The following RBL1 variants were observed in gnomAD, a reference collection of about 807,000 sequenced individuals.
RBL1 encodes RB transcriptional corepressor like 1.
RBL1 carries 82 observed loss-of-function variants against 123.0 expected under a neutral mutation model. The observed-to-expected ratio is 0.67, with a 90% CI of 0.56 to 0.80. The LOEUF is 0.80. Among genes scored for constraint, RBL1 ranks in the 30% least tolerant of loss-of-function variants. The pLI, the probability that RBL1 is intolerant of heterozygous loss-of-function variation, is 0.00. For synonymous variants in RBL1, 405 were observed against 441.3 expected (o/e 0.92, Z 1.03); for missense variants, 1,171 against 1,299.6 (o/e 0.90, Z 1.52).
intron 14 of RBL1, among the ~76,000 whole-genome samples, chr20:37,035,881 C>G (rs1224615202): frequency 6.6e-6 from 1 of 152,132 alleles, no homozygotes; most frequent in African/African-American, 2.4e-5. Context: ...GAAGCAAAAG[C>G]AAAAATCAGG....
intron 19 of RBL1, among the ~76,000 whole-genome samples, chr20:37,008,139 T>A (rs1226733856): frequency 1.3e-5 from 2 of 152,204 alleles, no homozygotes; most frequent in Non-Finnish European, 2.9e-5. Flanking sequence ...CTGTCACTAG[T>A]GGCTCTTAGA....
chr20:37,085,996 A>C (rs921734173), intron 2 of RBL1, among the ~76,000 whole-genome samples: 1 of 152,094 alleles, frequency 6.6e-6, no homozygotes, highest in Non-Finnish European at 1.5e-5. Flanking sequence ...CCCAGGCTGG[A>C]GTGCAGTGGC....
chr20:37,088,860 C>T, intron 2 of RBL1, 129 bp downstream of exon 2: 1 of 616,754 alleles, frequency 1.6e-6, no homozygotes, highest in Non-Finnish European at 2.2e-6. Flanking sequence ...GAGACTGCGT[C>T]TCAAAAATAA....
At chr20:37,051,458 G>T (rs1568859438) in intron 11 of RBL1, among the ~76,000 whole-genome samples, 1 of 152,118 alleles carries the variant, frequency 6.6e-6, no homozygotes, top group East Asian at 1.9e-4. Context: ...TGGGATTACA[G>T]GGGTAAGCCA....
intron 16 of RBL1, among the ~76,000 whole-genome samples, chr20:37,024,460 A>G (rs575675946): frequency 1.3e-5 from 2 of 152,354 alleles, no homozygotes; most frequent in East Asian, 3.9e-4. Flanking sequence ...AGCTGATCCA[A>G]TGCTTACAGG....
At chr20:37,059,505 G>T (rs1434439955) in intron 9 of RBL1, among the ~76,000 whole-genome samples, 1 of 152,156 alleles carries the variant, frequency 6.6e-6, no homozygotes, top group Non-Finnish European at 1.5e-5. Context: ...CCTGCTGGTG[G>T]TACATACGGA....
At chr20:37,049,113 GA>G in intron 11 of RBL1, 1 of 208,156 alleles carries the variant, frequency 4.8e-6, no homozygotes, top group Non-Finnish European at 9.6e-6. Context: ...TGAGGCAGGA[GA>G]ATCATTTGAA....
intron 2 of RBL1, among the ~76,000 whole-genome samples, chr20:37,069,572 G>T (rs1246166754): frequency 7.0e-6 from 1 of 143,544 alleles, no homozygotes; most frequent in African/African-American, 2.5e-5. Context: ...CGGCCGCCCC[G>T]TCTGAGAAGT....
intron 1 of RBL1, among the ~76,000 whole-genome samples, chr20:37,091,836 TCAA>T (rs2065651416): frequency 6.6e-6 from 1 of 152,118 alleles, no homozygotes; most frequent in African/African-American, 2.4e-5. Context: ...TGGGTGGCCA[TCAA>T]TAAACCCAAT....
At position 37,083,613 on chromosome 20, in the gene RBL1, C is replaced by T. The variant is rs1316299597; in HGVS notation, c.290+5376G>A. ...CAGCCTGGCCAAAATAGCGAAACCC[C>T]GTCTCTACTAAAAATACAAAAAAAA... On this transcript the variant is annotated intron_variant, in intron 2 of 21. Coordinates refer to ENST00000373664, the MANE Select transcript of RBL1 (RefSeq NM_002895.5). Among the ~76,000 whole-genome samples, 9 of 122,514 alleles carry T rather than the reference C, an allele frequency of 7.3e-5. No homozygotes were observed. In the East Asian group the frequency reaches 7.4e-4, roughly 10 times the overall value. The allele number at this position is 122,514 out of a possible 152,430, so 80.4% of individuals were successfully genotyped here.
rs1351000447 is a variant in RBL1, at chr20:37,077,542, C to G, written c.291-9356G>C. 4.6e-5 allele frequency among the ~76,000 whole-genome samples: 7 copies of G among 152,290 alleles called. No homozygotes were observed. The East Asian group carries it at 1.4e-3, about 29-fold the overall frequency. On this transcript the variant is annotated intron_variant, in intron 2 of 21. Transcript: ENST00000373664. ...AAGACTCAAACTGCAGCTCTTCCCT[C>G]AAGATGAAGACTCAAAGTGCAGTCT...
intron 7 of RBL1, among the ~76,000 whole-genome samples, chr20:37,063,267 G>A (rs1253760300): frequency 6.6e-6 from 1 of 151,896 alleles, no homozygotes; most frequent in Non-Finnish European, 1.5e-5. Flanking sequence ...CAGTAGAGAC[G>A]GGGTTTCACC....
At chr20:36,999,999 A>C (rs1467762678) in intron 21 of RBL1, among the ~76,000 whole-genome samples, 14 of 143,772 alleles carry the variant, frequency 9.7e-5, no homozygotes, top group Admixed American at 4.9e-4. Flanking sequence ...CCCAGTCTGG[A>C]AAGTGAGGAG....
chr20:37,005,390 G>C (rs943415785), intron 20 of RBL1, among the ~76,000 whole-genome samples: 2 of 149,468 alleles, frequency 1.3e-5, no homozygotes, highest in African/African-American at 4.9e-5. Flanking sequence ...CTGGGCAACA[G>C]AGCGAGACTC....
Position 37,060,080 on chromosome 20 carries a change from G to A in RBL1, c.1250+1023C>T, listed in dbSNP as rs565649309. Among the ~76,000 whole-genome samples the A allele has an allele frequency of 2.5e-3, 383 of 152,142 alleles. 2 individuals carry two copies. Among genetic ancestry groups the A allele is most frequent in the African/African-American group, 8.6e-3 (357 of 41,518 alleles). ...CCAGCTACTCGGGAGGCTGAGGCAG[G>A]AGAATCACTTGGACCTGGGAGGTGG... On this transcript the variant is annotated intron_variant, in intron 9 of 21. Transcript: ENST00000373664.
At chr20:37,067,330 C>T (rs751485270) in intron 3 of RBL1, 33 bp from the exon 4 acceptor site, 3 of 1,463,748 alleles carry the variant, frequency 2.0e-6, no homozygotes, top group Admixed American at 2.1e-5. Flanking sequence ...TTTTGTCTGA[C>T]TAGCTCGCTA....
intron 2 of RBL1, among the ~76,000 whole-genome samples, chr20:37,078,925 AG>A (rs762501417): frequency 7.2e-5 from 11 of 152,022 alleles, no homozygotes; most frequent in Non-Finnish European, 1.0e-4. Context: ...TTCACACTGA[AG>A]ATGTAACTGT....
intron 21 of RBL1, among the ~76,000 whole-genome samples, chr20:37,002,064 C>CGG (rs1384626164): frequency 8.5e-5 from 13 of 152,188 alleles, no homozygotes; most frequent in Admixed American, 8.5e-4. Context: ...GAGACAGTCT[C>CGG]TCTCTGTTGC....
At chr20:37,054,028 T>TACACACACACAC (rs55898438) in intron 11 of RBL1, among the ~76,000 whole-genome samples, 5 of 146,844 alleles carry the variant, frequency 3.4e-5, no homozygotes, top group African/African-American at 7.5e-5. Context: ...TACAATTTTA[T>TACACACACACAC]ACACACACAC....
Sources: allele counts gnomAD v4.1 joint callset (sites outside exome capture counted in the v4.1 genomes callset), GRCh38; gene constraint gnomAD v4.1.1; transcripts MANE v1.5; gene names NCBI Gene and HGNC (gene_info 2026-07-23, HGNC 2026-07-21).